Variants in ZDHHC3 observed in about 807,000 individuals in gnomAD.
The protein encoded by ZDHHC3 is zDHHC palmitoyltransferase 3, also known as palmitoyltransferase ZDHHC3.
In ZDHHC3, 9 loss-of-function variants were observed where a neutral mutation model predicts 30.6. The ratio of observed to expected loss-of-function variants is 0.29; its 90% CI spans 0.18 to 0.51. ZDHHC3 has a LOEUF of 0.51. Ranked by LOEUF, ZDHHC3 falls within the 20% of genes least tolerant of loss-of-function variation. The pLI is 0.97. For missense variants in ZDHHC3, 246 were observed against 384.2 expected, an observed-to-expected ratio of 0.64 and a Z score of 3.01; for synonymous variants, 136 against 140.2, an observed-to-expected ratio of 0.97 and a Z score of 0.21.
At position 44,959,115 on chromosome 3, in the gene ZDHHC3, G is replaced by T. The variant is rs1559710815; in HGVS notation, c.306+16C>A. ...GGAGAGTGTGGGCTGGTCAAAACAAGCCCAGACATACTCACGGGGTCCGTC... is the reference window on the plus strand; with the variant it reads ...GGAGAGTGTGGGCTGGTCAAAACAATCCCAGACATACTCACGGGGTCCGTC... On this transcript the variant is annotated intron_variant, in intron 2 of 6. Transcript: ENST00000424952. This position sits in a 1 kb window ranked among gnomAD's most constrained non-coding sequence, Gnocchi z 4.3. 6.2e-7 allele frequency: 1 copy of T among 1,613,578 alleles called. No homozygotes were observed. The highest frequency in any genetic ancestry group is 2.2e-5 in the East Asian group (1 of 44,878).
Position 44,923,006 on chromosome 3 carries a change from G to A in ZDHHC3, c.*3683C>T, listed in dbSNP as rs1700712999. 3.0e-6 allele frequency: 3 copies of A among 985,076 alleles called. No individual in the cohort carries two copies. Among genetic ancestry groups the A allele is most frequent in the Non-Finnish European group, 3.6e-6 (3 of 829,902 alleles). The allele number at this position is 985,076 out of a possible 1,614,324, so 61.0% of individuals were successfully genotyped here. On this transcript the variant is annotated 3_prime_UTR_variant, in exon 7 of 7. Transcript: ENST00000424952. ...AAATTTAAAACCCATTAGCCTGGCT[G>A]AGAAAGCCCATCCCAGCCCACCCGG... is the stretch of plus-strand genomic sequence containing the variant.
intron 3 of ZDHHC3, among the ~76,000 whole-genome samples, chr3:44,944,155 T>A (rs547343145): frequency 2.2e-3 from 325 of 148,374 alleles, no homozygotes; most frequent in Non-Finnish European, 3.6e-3. Context: ...TAAAAAAAAA[T>A]TTTTTTTTTT....
rs1355445300 is a variant in ZDHHC3 at position 44,959,170 on chromosome 3, C to G, written c.267G>C (p.Leu89Phe). The change falls in exon 2 of 7, where the codon TTG (leucine) becomes TTC (phenylalanine). Residue 89 changes from leucine to phenylalanine, a missense_variant. Leu to Phe is a conservative substitution (Grantham distance 22). Coordinates refer to ENST00000424952, the MANE Select transcript of ZDHHC3 (RefSeq NM_001135179.2). The surrounding 1 kb of genome is among the most constrained non-coding windows in gnomAD (Gnocchi z 4.3). ...TGGCCCGGCAGTGGGAGGCCAGGGC[C>G]AAGAAGGCCAGCAGGTTGAACACAA... is the stretch of plus-strand genomic sequence containing the variant. ...NGIVFNLLAF[L>F]ALASHCRAML... The G allele has an allele frequency of 6.2e-7, 1 of 1,614,242 alleles. No individual in the cohort carries two copies. Among genetic ancestry groups the G allele is most frequent in the Non-Finnish European group, 8.5e-7 (1 of 1,180,044 alleles).
At chr3:44,964,896 T>C (rs887897329) in intron 1 of ZDHHC3, among the ~76,000 whole-genome samples, 2 of 152,142 alleles carry the variant, frequency 1.3e-5, no homozygotes, top group African/African-American at 2.4e-5. Flanking sequence ...TAGTATTCCA[T>C]GTTCAAAGTA....
rs767379272 is a variant in ZDHHC3 at position 44,918,024 on chromosome 3, C to T, written c.*8665G>A. On this transcript the variant is annotated 3_prime_UTR_variant, in exon 7 of 7. Coordinates refer to ENST00000424952, the MANE Select transcript of ZDHHC3 (RefSeq NM_001135179.2). ...TGTCACTGGGGATCTCTGGCTGACA[C>T]GGTCTGGAGAAGGGGTTGAACCAGT... 2.2e-5 allele frequency: 29 copies of T among 1,305,348 alleles called. No individual in the cohort carries two copies. Among genetic ancestry groups the T allele is most frequent in the Middle Eastern group, 2.1e-4 (1 of 4,720 alleles). 80.9% of individuals were successfully genotyped at this position (1,305,348 alleles called of 1,614,324 possible).
chr3:44,951,461 T>C (rs1703444381), intron 2 of ZDHHC3, among the ~76,000 whole-genome samples: 1 of 152,202 alleles, frequency 6.6e-6, no homozygotes, highest in Non-Finnish European at 1.5e-5. Flanking sequence ...CCTTGACCCC[T>C]GCCCACTTCC....
In ZDHHC3 at chr3:44,933,169, G is replaced by A; in HGVS notation, c.559C>T (p.Leu187Phe). The A allele has an allele frequency of 6.2e-7, 1 of 1,614,156 alleles. No homozygotes were observed. Among genetic ancestry groups the A allele is most frequent in the Non-Finnish European group, 8.5e-7 (1 of 1,180,032 alleles). Residue 187 changes from leucine to phenylalanine, a missense_variant, in exon 5 of 7, where the codon CTC (leucine) becomes TTC (phenylalanine). Transcript: ENST00000424952. Reference protein sequence around the residue: ...MYIALISLHALIMVGFHFLHC... With the variant: ...MYIALISLHAFIMVGFHFLHC... ...AGGAAGTGGAATCCCACCATGATGA[G>A]GGCGTGCAAGGAAATGAGAGCTATG...
intron 5 of ZDHHC3, among the ~76,000 whole-genome samples, chr3:44,930,446 A>C (rs996110339): frequency 2.6e-5 from 4 of 152,186 alleles, no homozygotes; most frequent in Non-Finnish European, 4.4e-5. Context: ...GCAGCGGCCC[A>C]TGCTGGCTGA....
rs1704249038 is a variant in ZDHHC3, at chr3:44,959,287, A to G, written c.150T>C (p.Val50=). The G allele has an allele frequency of 6.2e-7, 1 of 1,614,120 alleles. No individual in the cohort carries two copies. Among genetic ancestry groups the G allele is most frequent in the Admixed American group, 1.7e-5 (1 of 60,014 alleles). The change falls in exon 2 of 7, where the codon GTT becomes GTC. Residue 50 remains valine, a synonymous_variant. Coordinates refer to ENST00000424952, the MANE Select transcript of ZDHHC3 (RefSeq NM_001135179.2). This position sits in a 1 kb window ranked among gnomAD's most constrained non-coding sequence, Gnocchi z 4.3. ...CCGCATAGAGGACCAGAAACCAGGT[A>G]ACGATGGCACAGGCGATGCCACAGC... ...RDGCGIACAI[V]TWFLVLYAEF...
In ZDHHC3 at chr3:44,921,654, C is replaced by T. The variant is rs1700600996; in HGVS notation, c.*5035G>A. On this transcript the variant is annotated 3_prime_UTR_variant, in exon 7 of 7. Coordinates refer to ENST00000424952, the MANE Select transcript of ZDHHC3 (RefSeq NM_001135179.2). ...CCAGACGCTATACATTCCTATTCAT[C>T]ACCCTCATTTAATCCTTCCATTAAC... The T allele has an allele frequency of 1.0e-6, 1 of 974,958 alleles. No individual in the cohort carries two copies. The highest frequency in any genetic ancestry group is 6.2e-5 in the Admixed American group (1 of 16,256). The allele number at this position is 974,958 out of a possible 1,614,324, so 60.4% of individuals were successfully genotyped here. A position where few individuals can be genotyped will look rare whatever the true frequency, so the allele number is the denominator to read the frequency against.
intron 2 of ZDHHC3, among the ~76,000 whole-genome samples, chr3:44,950,704 T>A (rs1242282052): frequency 1.3e-5 from 2 of 152,218 alleles, no homozygotes; most frequent in Non-Finnish European, 2.9e-5. Flanking sequence ...GGCAACTTTT[T>A]GTTTCATTCT....
At chr3:44,928,493 G>A (rs555959398) in intron 6 of ZDHHC3, among the ~76,000 whole-genome samples, 32 of 152,120 alleles carry the variant, frequency 2.1e-4, no homozygotes, top group Non-Finnish European at 3.7e-4. Context: ...ACCAGGAATC[G>A]TACCGGGATG....
intron 2 of ZDHHC3, among the ~76,000 whole-genome samples, chr3:44,945,624 C>A (rs557407876): frequency 2.6e-5 from 4 of 151,948 alleles, no homozygotes; most frequent in African/African-American, 9.7e-5. Flanking sequence ...GTGGTGTAAT[C>A]TCGGCTTGCT....
chr3:44,926,256 C>T lies in ZDHHC3; in HGVS notation c.*433G>A, dbSNP rs1013035952. 1.0e-6 allele frequency: 1 copy of T among 987,312 alleles called. No homozygotes were observed. The highest frequency in any genetic ancestry group is 1.7e-5 in the African/African-American group (1 of 57,376). 61.2% of individuals were successfully genotyped at this position (987,312 alleles called of 1,614,324 possible). ...TTATGTCCCATCGGGGAGCCCGCCA[C>T]TGCCTCCTGGGCAGTGGGAGGTCAG... On this transcript the variant is annotated 3_prime_UTR_variant, in exon 7 of 7. Transcript: ENST00000424952.
intron 1 of ZDHHC3, among the ~76,000 whole-genome samples, chr3:44,962,909 G>A (rs1301141881): frequency 6.6e-6 from 1 of 152,200 alleles, no homozygotes; most frequent in Non-Finnish European, 1.5e-5. Flanking sequence ...TTGCAAAAGG[G>A]TAGTCATTTT....
Position 44,959,137 on chromosome 3 carries a change from C to G in ZDHHC3, c.300G>C (p.Thr100=), listed in dbSNP as rs142704157. ...CAAGCCCAGACATACTCACGGGGTC[C>G]GTCAGCATGGCCCGGCAGTGGGAGG... ...ALASHCRAML[T]DPGAVPKGNA... The change falls in exon 2 of 7, where the codon ACG becomes ACC. Residue 100 remains threonine, a synonymous_variant. Coordinates refer to ENST00000424952, the MANE Select transcript of ZDHHC3 (RefSeq NM_001135179.2). The surrounding 1 kb of genome is among the most constrained non-coding windows in gnomAD (Gnocchi z 4.3). 1.9e-6 allele frequency: 3 copies of G among 1,614,146 alleles called. No homozygotes were observed. The South Asian group carries it at 3.3e-5, about 18-fold the overall frequency.
intron 3 of ZDHHC3, among the ~76,000 whole-genome samples, chr3:44,936,714 T>C (rs1169969674): frequency 1.3e-5 from 2 of 152,140 alleles, no homozygotes; most frequent in Admixed American, 6.5e-5. Flanking sequence ...GGGGTCTACC[T>C]GAAGGTGGAG....
intron 5 of ZDHHC3, among the ~76,000 whole-genome samples, chr3:44,930,894 T>C (rs1701433636): frequency 6.6e-6 from 1 of 152,138 alleles, no homozygotes; most frequent in Admixed American, 6.5e-5. Flanking sequence ...CTCTGACATC[T>C]GGCAGACACC....
intron 3 of ZDHHC3, among the ~76,000 whole-genome samples, chr3:44,936,859 T>C (rs1207642468): frequency 4.2e-5 from 6 of 143,130 alleles, no homozygotes; most frequent in South Asian, 2.3e-4. Context: ...CCCCCGAACA[T>C]AAAATAAAAG....
Sources: gnomAD v4.1 joint callset for allele counts (sites outside exome capture counted in the v4.1 genomes callset) on GRCh38, gnomAD v4.1.1 for gene constraint, Gnocchi (gnomAD v3.1) non-coding constraint, MANE v1.5 for transcripts, NCBI Gene and HGNC (gene_info 2026-07-23, HGNC 2026-07-21) for gene names.